Variants in PKP4 observed in about 807,000 individuals in gnomAD.
PKP4 encodes plakophilin-4.
Under a neutral mutation model 145.1 loss-of-function variants are expected in PKP4, and 90 were observed. The ratio of observed to expected loss-of-function variants is 0.62; its 90% CI spans 0.52 to 0.74. PKP4 has a LOEUF of 0.74. Among genes scored for constraint, PKP4 ranks in the 30% least tolerant of loss-of-function variants. The pLI is 0.00. For missense variants in PKP4, 1,340 were observed against 1,482.7 expected, an observed-to-expected ratio of 0.90 and a Z score of 1.58; for synonymous variants, 563 against 577.2, an observed-to-expected ratio of 0.98 and a Z score of 0.35.
intron 1 of PKP4, among the ~76,000 whole-genome samples, chr2:158,521,203 T>G (rs1385096156): frequency 6.6e-6 from 1 of 152,218 alleles, no homozygotes; most frequent in Non-Finnish European, 1.5e-5. Context: ...ATCAGCAGCA[T>G]GGGATAGTTA....
intron 4 of PKP4, among the ~76,000 whole-genome samples, chr2:158,617,379 T>G (rs1037632326): frequency 6.6e-6 from 1 of 152,208 alleles, no homozygotes; most frequent in Non-Finnish European, 1.5e-5. Context: ...AGAAGTAACA[T>G]TCACATGCTG....
chr2:158,661,238 C>G (rs965269664), intron 12 of PKP4, 95 bp from the exon 13 acceptor site: 2 of 865,314 alleles, frequency 2.3e-6, no homozygotes, highest in African/African-American at 3.3e-5. Flanking sequence ...TGGCTGCCAC[C>G]TGTTGTTCGC....
At chr2:158,564,554 A>T (rs1178600422) in intron 2 of PKP4, among the ~76,000 whole-genome samples, 1 of 152,174 alleles carries the variant, frequency 6.6e-6, no homozygotes, top group East Asian at 1.9e-4. Flanking sequence ...TAATTTTAAT[A>T]GGTATTACCA....
At chr2:158,573,367 T>TACCAA (rs1231055747) in intron 2 of PKP4, among the ~76,000 whole-genome samples, 3 of 152,196 alleles carry the variant, frequency 2.0e-5, no homozygotes, top group Non-Finnish European at 4.4e-5. Context: ...CTCATGTGAA[T>TACCAA]ATTAAGCACC....
chr2:158,582,309 T>C (rs1035715557), intron 3 of PKP4, among the ~76,000 whole-genome samples: 1 of 152,226 alleles, frequency 6.6e-6, no homozygotes, highest in South Asian at 2.1e-4. Context: ...GAAAAAACTT[T>C]TCTGCATTTG....
In PKP4 at chr2:158,577,820, C is replaced by T. The variant is rs191236332; in HGVS notation, c.245+437C>T. On this transcript the variant is annotated intron_variant, in intron 3 of 21. Transcript: ENST00000389759. The stretch of plus-strand genomic sequence containing the variant: ...GTTTTTCTAGAACTCTATGAATCTA[C>T]CACACAAACTAATTACTATATGGAA... Among the ~76,000 whole-genome samples, 151 of 152,150 alleles carry T rather than the reference C, an allele frequency of 9.9e-4. 2 individuals are homozygous for T. Among genetic ancestry groups the T allele is most frequent in the African/African-American group, 3.5e-3 (147 of 41,502 alleles).
intron 1 of PKP4, among the ~76,000 whole-genome samples, chr2:158,518,695 G>A (rs2042119947): frequency 6.6e-6 from 1 of 152,112 alleles, no homozygotes. Context: ...CAGCATTATG[G>A]TTGGGTGATT....
At chr2:158,496,363 T>C (rs1316043542) in intron 1 of PKP4, among the ~76,000 whole-genome samples, 3 of 152,198 alleles carry the variant, frequency 2.0e-5, no homozygotes, top group Non-Finnish European at 4.4e-5. Flanking sequence ...TTTTTAGCAG[T>C]GTATATTCAT....
At chr2:158,510,598 G>T (rs2041413787) in intron 1 of PKP4, among the ~76,000 whole-genome samples, 1 of 152,214 alleles carries the variant, frequency 6.6e-6, no homozygotes, top group African/African-American at 2.4e-5. Context: ...GTCAAAGGAA[G>T]AAATGATTTG....
chr2:158,512,482 A>G (rs1400052868), intron 1 of PKP4, among the ~76,000 whole-genome samples: 2 of 152,224 alleles, frequency 1.3e-5, no homozygotes, highest in Admixed American at 6.5e-5. Context: ...AGCTCTGTCA[A>G]TTAGAGCAGA....
chr2:158,561,433 C>T (rs906441604), intron 2 of PKP4, among the ~76,000 whole-genome samples: 1 of 152,208 alleles, frequency 6.6e-6, no homozygotes, highest in Non-Finnish European at 1.5e-5. Flanking sequence ...GATGGTGTTG[C>T]CTTGTTGAAC....
intron 7 of PKP4, among the ~76,000 whole-genome samples, chr2:158,630,839 A>T (rs2053276844): frequency 6.6e-6 from 1 of 152,246 alleles, no homozygotes; most frequent in African/African-American, 2.4e-5. Context: ...AGCTTACTGG[A>T]GGATGAATCT....
At chr2:158,639,917 A>G (rs1376301459) in intron 9 of PKP4, among the ~76,000 whole-genome samples, 1 of 152,182 alleles carries the variant, frequency 6.6e-6, no homozygotes, top group Non-Finnish European at 1.5e-5. Context: ...TAATAAATAT[A>G]TATAAAATGC....
chr2:158,529,038 T>C (rs1189772206), intron 1 of PKP4, among the ~76,000 whole-genome samples: 1 of 152,204 alleles, frequency 6.6e-6, no homozygotes, highest in Non-Finnish European at 1.5e-5. Context: ...GCAGCATCTC[T>C]TCTACACTAT....
At chr2:158,504,175 G>A (rs1574148664) in intron 1 of PKP4, among the ~76,000 whole-genome samples, 2 of 152,212 alleles carry the variant, frequency 1.3e-5, no homozygotes, top group East Asian at 3.9e-4. Flanking sequence ...AATGACCAAT[G>A]TACATTTGCT....
At chr2:158,602,924 T>C in intron 3 of PKP4, 146 bp from the exon 4 acceptor site, 1 of 475,868 alleles carries the variant, frequency 2.1e-6, no homozygotes, top group Non-Finnish European at 3.8e-6. Flanking sequence ...AAAAATTAAC[T>C]TAGATAAGTT....
chr2:158,546,560 C>A (rs2045062848), intron 2 of PKP4, among the ~76,000 whole-genome samples: 1 of 152,046 alleles, frequency 6.6e-6, no homozygotes, highest in African/African-American at 2.4e-5. Context: ...AGGGCATGAG[C>A]CAAAAAATGT....
intron 2 of PKP4, among the ~76,000 whole-genome samples, chr2:158,576,111 T>C (rs1006176768): frequency 2.6e-5 from 4 of 152,218 alleles, no homozygotes; most frequent in African/African-American, 9.7e-5. Context: ...GTAAGGAGTT[T>C]AGGGACTGTT....
At chr2:158,639,553 C>G (rs146661605) in intron 9 of PKP4, among the ~76,000 whole-genome samples, 1 of 152,080 alleles carries the variant, frequency 6.6e-6, no homozygotes, top group Non-Finnish European at 1.5e-5. Flanking sequence ...AAACAACTAA[C>G]TTTATCCTGT....
Sources: allele counts gnomAD v4.1 joint callset (sites outside exome capture counted in the v4.1 genomes callset), GRCh38; gene constraint gnomAD v4.1.1; transcripts MANE v1.5; gene names NCBI Gene and HGNC (gene_info 2026-07-23, HGNC 2026-07-21).